ASIC2: variants seen among roughly 807,000 people sequenced by gnomAD.
ASIC2 encodes the protein acid sensing ion channel subunit 2, also known as acid-sensing ion channel 2.
ASIC2 carries 25 observed loss-of-function variants against 57.3 expected under a neutral mutation model. The observed-to-expected ratio is 0.44, with a 90% CI of 0.32 to 0.61. The LOEUF is 0.61. ASIC2 is among the 20% of genes least tolerant of loss of function. ASIC2 has a pLI of 0.06. For missense variants in ASIC2, 641 were observed against 738.1 expected (o/e 0.87, Z 1.52); for synonymous variants, 319 against 307.5 (o/e 1.04, Z -0.39).
At chr17:33,616,769 C>G (rs1381648411) in intron 1 of ASIC2, among the ~76,000 whole-genome samples, 1 of 152,204 alleles carries the variant, frequency 6.6e-6, no homozygotes, top group African/African-American at 2.4e-5. Context: ...TTTGAGATTT[C>G]TGAGATAGAA....
At chr17:34,026,265 G>A (rs1175387405) in intron 1 of ASIC2, among the ~76,000 whole-genome samples, 1 of 152,148 alleles carries the variant, frequency 6.6e-6, no homozygotes, top group Non-Finnish European at 1.5e-5. Flanking sequence ...TGCCTGCCCT[G>A]AAGTCTTAAT....
chr17:33,232,189 A>G (rs977265902), intron 1 of ASIC2, among the ~76,000 whole-genome samples: 21 of 152,238 alleles, frequency 1.4e-4, no homozygotes, highest in African/African-American at 4.6e-4. Context: ...TAGTTTCTTT[A>G]TAAGAGGAGG....
intron 1 of ASIC2, among the ~76,000 whole-genome samples, chr17:33,716,664 T>C (rs1376679678): frequency 6.6e-6 from 1 of 152,246 alleles, no homozygotes; most frequent in Non-Finnish European, 1.5e-5. Flanking sequence ...AGAATTGTTC[T>C]CTATATGTCT....
At chr17:33,707,036 T>A (rs1567694626) in intron 1 of ASIC2, among the ~76,000 whole-genome samples, 1 of 152,222 alleles carries the variant, frequency 6.6e-6, no homozygotes, top group African/African-American at 2.4e-5. Flanking sequence ...TGACTATGCA[T>A]AGAAATCTAG....
chr17:33,094,555 T>C (rs560233762), intron 2 of ASIC2, among the ~76,000 whole-genome samples: 25 of 152,288 alleles, frequency 1.6e-4, no homozygotes, highest in African/African-American at 5.8e-4. Context: ...GGGTCCTGAC[T>C]GGTGGATCTC....
chr17:33,410,400 C>T (rs2141964301), intron 1 of ASIC2, among the ~76,000 whole-genome samples: 1 of 152,308 alleles, frequency 6.6e-6, no homozygotes, highest in East Asian at 1.9e-4. Context: ...TGCAAGAAAC[C>T]TATCTTTAGC....
At chr17:33,396,062 C>T (rs1010028300) in intron 1 of ASIC2, among the ~76,000 whole-genome samples, 2 of 152,308 alleles carry the variant, frequency 1.3e-5, no homozygotes, top group Admixed American at 6.5e-5. Context: ...AGGAGAATAT[C>T]AGATTTTCCC....
intron 1 of ASIC2, among the ~76,000 whole-genome samples, chr17:34,105,341 T>G (rs1911005995): frequency 1.3e-5 from 2 of 151,914 alleles, no homozygotes; most frequent in Non-Finnish European, 2.9e-5. Flanking sequence ...CTTGTGTTTT[T>G]CCTGTTTTTG....
intron 1 of ASIC2, among the ~76,000 whole-genome samples, chr17:33,604,893 A>T (rs1402691950): frequency 1.3e-5 from 2 of 152,154 alleles, no homozygotes; most frequent in East Asian, 1.9e-4. Flanking sequence ...AGGAATTAGG[A>T]TGTTTCCAAA....
intron 1 of ASIC2, among the ~76,000 whole-genome samples, chr17:33,287,884 C>T (rs1051742450): frequency 6.6e-6 from 1 of 152,126 alleles, no homozygotes; most frequent in Admixed American, 6.5e-5. Context: ...TCTCTGTTCC[C>T]AAAAGGAATA....
At chr17:33,339,001 C>T (rs998681334) in intron 1 of ASIC2, among the ~76,000 whole-genome samples, 5 of 151,454 alleles carry the variant, frequency 3.3e-5, no homozygotes, top group African/African-American at 7.3e-5. Flanking sequence ...GTTGGTTGTA[C>T]GACAATATGA....
intron 1 of ASIC2, among the ~76,000 whole-genome samples, chr17:33,398,912 G>A (rs568907828): frequency 2.0e-5 from 3 of 152,268 alleles, no homozygotes; most frequent in Non-Finnish European, 2.9e-5. Flanking sequence ...ATGCTGCAAA[G>A]GGCCTTGTTT....
chr17:33,767,651 CTAAAG>C (rs1426355098), intron 1 of ASIC2, among the ~76,000 whole-genome samples: 2 of 152,094 alleles, frequency 1.3e-5, no homozygotes, highest in Non-Finnish European at 2.9e-5. Context: ...TCAGATAATG[CTAAAG>C]TAAAGTTTCT....
chr17:33,955,397 G>T (rs533720218), intron 1 of ASIC2: 2 of 152,134 alleles, frequency 1.3e-5, no homozygotes, highest in South Asian at 4.1e-4. Flanking sequence ...CTAATAGGGG[G>T]CACTAGAGGA....
At position 33,790,632 on chromosome 17, in the gene ASIC2, C is replaced by T. The variant is rs1911742227; in HGVS notation, c.555+365346G>A. ...CTCCAGCCCTACAGACTTTAGCTTT[C>T]CTTAGGCAGCCCCCATAGTTGCATA... On this transcript the variant is annotated intron_variant, in intron 1 of 9. Transcript: ENST00000359872. Among the ~76,000 whole-genome samples the T allele has an allele frequency of 2.0e-5, 3 of 152,132 alleles. No homozygotes were observed. In the South Asian group the frequency reaches 6.2e-4, roughly 32 times the overall value.
At chr17:33,796,091 A>G (rs1465873007) in intron 1 of ASIC2, among the ~76,000 whole-genome samples, 1 of 152,234 alleles carries the variant, frequency 6.6e-6, no homozygotes, top group Non-Finnish European at 1.5e-5. Context: ...AAGTGCCACA[A>G]TCACAGTGGC....
In ASIC2 at chr17:33,193,961, C is replaced by T. The variant is rs149566925; in HGVS notation, c.709-81894G>A. ...TACTTTCTAGTATATTACTTTCACA[C>T]GATTCCTTGTCTCAGGGTATTCTTC... On this transcript the variant is annotated intron_variant, in intron 1 of 9. Coordinates refer to ENST00000225823, the MANE Select transcript of ASIC2 (RefSeq NM_183377.2). Among the ~76,000 whole-genome samples the T allele has an allele frequency of 6.2e-4, 94 of 152,262 alleles. 1 individual carries two copies. Among genetic ancestry groups the T allele is most frequent in the Admixed American group, 3.2e-3 (49 of 15,296 alleles).
At chr17:33,240,094 A>C (rs555612870) in intron 1 of ASIC2, among the ~76,000 whole-genome samples, 1 of 152,200 alleles carries the variant, frequency 6.6e-6, no homozygotes, top group Admixed American at 6.5e-5. Flanking sequence ...CCCAGGAGCC[A>C]AAAACCTTCC....
At chr17:34,112,382 A>G (rs1911302610) in intron 1 of ASIC2, among the ~76,000 whole-genome samples, 1 of 152,104 alleles carries the variant, frequency 6.6e-6, no homozygotes, top group African/African-American at 2.4e-5. Flanking sequence ...CTAACAAACT[A>G]AATACAAATG....
Sources: gnomAD v4.1 joint callset for allele counts (sites outside exome capture counted in the v4.1 genomes callset) on GRCh38, gnomAD v4.1.1 for gene constraint, MANE v1.5 for transcripts, NCBI Gene and HGNC (gene_info 2026-07-23, HGNC 2026-07-21) for gene names.